Variants in DUOX1 observed in about 807,000 individuals in gnomAD.
DUOX1 encodes the protein dual oxidase 1.
A neutral mutation model predicts 181.8 loss-of-function variants in DUOX1; 134 were observed. The observed-to-expected ratio is 0.74, with a 90% CI of 0.64 to 0.85. The LOEUF (loss-of-function observed/expected upper bound fraction) is 0.85, where lower values mean the gene tolerates loss of function less well. Ranked by LOEUF, DUOX1 falls within the 40% of genes least tolerant of loss-of-function variation. DUOX1 has a pLI of 0.00. For missense variants in DUOX1, 1,814 were observed against 2,064.4 expected, an observed-to-expected ratio of 0.88 and a Z score of 2.35; for synonymous variants, 798 against 832.5, an observed-to-expected ratio of 0.96 and a Z score of 0.71.
intron 10 of DUOX1, chr15:45,138,602 T>G: frequency 6.3e-6 from 1 of 159,558 alleles, no homozygotes; most frequent in Non-Finnish European, 1.4e-5. Flanking sequence ...GGGAAGGGAG[T>G]GGGGAGGAAG....
chr15:45,134,703 G>C (rs966525983), intron 4 of DUOX1, among the ~76,000 whole-genome samples: 1 of 152,202 alleles, frequency 6.6e-6, no homozygotes, highest in African/African-American at 2.4e-5. Context: ...GCAGGGTTCT[G>C]ATTCTGGCAG....
In DUOX1 at chr15:45,136,510, T is replaced by C; in HGVS notation, c.926-19T>C. On this transcript the variant is annotated intron_variant, in intron 8 of 33. Coordinates refer to ENST00000389037, the MANE Select transcript of DUOX1 (RefSeq NM_175940.3). ...TTTAGGGCTAAATTCTTCTGTCCTCTCTTCTCCTATTTCCCCAGGATACCG... is the reference window on the plus strand; with the variant it reads ...TTTAGGGCTAAATTCTTCTGTCCTCCCTTCTCCTATTTCCCCAGGATACCG... The C allele has an allele frequency of 6.2e-7, 1 of 1,614,140 alleles. No individual in the cohort carries two copies. The highest frequency in any genetic ancestry group is 2.2e-5 in the East Asian group (1 of 44,880).
intron 21 of DUOX1, chr15:45,150,373 G>A (rs1056338335): frequency 2.0e-6 from 1 of 510,096 alleles, no homozygotes; most frequent in African/African-American, 1.9e-5. Flanking sequence ...AGTCCCAGAA[G>A]TGGGACTGAT....
chr15:45,138,874 C>T lies in DUOX1; in HGVS notation c.1114-192C>T, dbSNP rs1896410056. 22 of 592,670 alleles carry T rather than the reference C, an allele frequency of 3.7e-5. No homozygotes were observed. In the South Asian group the frequency reaches 4.6e-4, roughly 12 times the overall value. The allele number at this position is 592,670 out of a possible 1,614,324, so 36.7% of individuals were successfully genotyped here. ...GCTTGTATAGACCTCTGTCAGGCAG[C>T]ACTGACAGAGGGGACACCCCTCACC... On this transcript the variant is annotated intron_variant, in intron 10 of 33. Transcript: ENST00000389037.
At position 45,136,377 on chromosome 15, in the gene DUOX1, A is replaced by G. The variant is rs1226931369; in HGVS notation, c.892A>G (p.Ser298Gly). 6.2e-7 allele frequency: 1 copy of G among 1,613,720 alleles called. No homozygotes were observed. Among genetic ancestry groups the G allele is most frequent in the Non-Finnish European group, 8.5e-7 (1 of 1,180,000 alleles). The change falls in exon 8 of 34, where the codon AGC (serine) becomes GGC (glycine). Residue 298 changes from serine (S) to glycine (G), a missense_variant. This residue lies in a region of DUOX1 where 1,064 missense variants were observed against 1,152.9 expected (regional missense o/e 0.92). Coordinates refer to ENST00000389037, the MANE Select transcript of DUOX1 (RefSeq NM_175940.3). ...CATCGCTGTGTATGAGTGGCTGCCCAGCTTCCTGCAGAAAACACTCCCGGA... is the reference window on the plus strand; with the variant it reads ...CATCGCTGTGTATGAGTGGCTGCCCGGCTTCCTGCAGAAAACACTCCCGGA... ...QNIAVYEWLP[S>G]FLQKTLPEYT...
At chr15:45,144,806 C>A in intron 17 of DUOX1, 89 bp from the exon 18 acceptor site, 1 of 1,375,632 alleles carries the variant, frequency 7.3e-7, no homozygotes, top group Non-Finnish European at 9.9e-7. Context: ...CAAGGCCACC[C>A]CAGTGGCCCC....
intron 28 of DUOX1, among the ~76,000 whole-genome samples, chr15:45,159,980 C>T (rs1897057928): frequency 2.0e-5 from 3 of 152,220 alleles, no homozygotes; most frequent in African/African-American, 4.8e-5. Context: ...GGTGAAACCC[C>T]ATCTCTACTA....
At position 45,151,140 on chromosome 15, in the gene DUOX1, G is replaced by A; in HGVS notation, c.2906G>A (p.Ser969Asn). The part of the protein sequence containing the change: ...QDMICPSPRV[S>N]ARCSRSDIET... ...TGTCTTAGTCCCTCTCCCAGAGTGA[G>A]TGCCCGCTGTTCCCGCAGCGACATT... Residue 969 changes from serine to asparagine, a missense_variant, in exon 23 of 34, where the codon AGT (serine) becomes AAT (asparagine). Physicochemically the swap from Ser to Asn is conservative, Grantham distance 46 (BLOSUM62 1). Around this residue, in one of 5 missense-constraint regions of DUOX1, gnomAD observed 1,064 missense variants for 1,152.9 expected, o/e 0.92. Transcript: ENST00000389037. 6.2e-7 allele frequency: 1 copy of A among 1,614,158 alleles called. No individual in the cohort carries two copies. Among genetic ancestry groups the A allele is most frequent in the Non-Finnish European group, 8.5e-7 (1 of 1,180,014 alleles).
Position 45,148,452 on chromosome 15 carries a change from G to T in DUOX1, c.2818+5G>T. The stretch of plus-strand genomic sequence containing the variant: ...TCACGCAGCTCTGTGTCAAAGGTGG[G>T]GCAGCCTGGTAGGCAGCACTGACTC... On this transcript the variant is annotated splice_donor_5th_base_variant and intron_variant, in intron 21 of 33. Transcript: ENST00000389037. 2 of 1,608,872 alleles carry T rather than the reference G, an allele frequency of 1.2e-6. No homozygotes were observed.
intron 4 of DUOX1, among the ~76,000 whole-genome samples, chr15:45,134,800 G>A (rs1208211374): frequency 6.6e-6 from 1 of 152,142 alleles, no homozygotes; most frequent in African/African-American, 2.4e-5. Flanking sequence ...AGGAATGCCT[G>A]GCTCCTGCTG....
At chr15:45,146,264 G>C (rs1013153706) in intron 18 of DUOX1, among the ~76,000 whole-genome samples, 1 of 152,232 alleles carries the variant, frequency 6.6e-6, no homozygotes, top group South Asian at 2.1e-4. Flanking sequence ...ATTCATGAGA[G>C]AAGCATCCAT....
intron 28 of DUOX1, among the ~76,000 whole-genome samples, chr15:45,156,843 G>A (rs1309656788): frequency 6.6e-6 from 1 of 152,106 alleles, no homozygotes; most frequent in Non-Finnish European, 1.5e-5. Context: ...ACCCTCCCCT[G>A]GGTTTCTCAT....
chr15:45,145,744 G>A (rs1189437043), intron 18 of DUOX1, among the ~76,000 whole-genome samples: 7 of 151,888 alleles, frequency 4.6e-5, no homozygotes, highest in Non-Finnish European at 7.4e-5. Context: ...GTGAAACCCC[G>A]TCTCTACTAA....
intron 10 of DUOX1, chr15:45,138,623 C>A: frequency 6.0e-6 from 1 of 165,476 alleles, no homozygotes; most frequent in Non-Finnish European, 1.3e-5. Flanking sequence ...AAAAAAGAAG[C>A]CATAGAATCA....
At chr15:45,142,727 A>AAAAG (rs765877855) in intron 15 of DUOX1, among the ~76,000 whole-genome samples, 2 of 140,768 alleles carry the variant, frequency 1.4e-5, no homozygotes, top group African/African-American at 2.7e-5. Flanking sequence ...CTCTGTCAAA[A>AAAAG]AAAGAAAGAA....
At chr15:45,137,502 A>C (rs968196962) in intron 9 of DUOX1, among the ~76,000 whole-genome samples, 22 of 152,184 alleles carry the variant, frequency 1.4e-4, no homozygotes, top group African/African-American at 5.3e-4. Flanking sequence ...TTACTCTGGA[A>C]TAATCTCTGG....
intron 28 of DUOX1, among the ~76,000 whole-genome samples, chr15:45,157,828 AAAG>A (rs2141300359): frequency 6.6e-6 from 1 of 151,188 alleles, no homozygotes; most frequent in East Asian, 1.9e-4. Flanking sequence ...AAAAAAAAAA[AAAG>A]AAATAAAAAA....
chr15:45,151,119 T>C lies in DUOX1; in HGVS notation c.2889-4T>C, dbSNP rs1465443141. ...CATCCTATCTCTTACCATTCTTGTC[T>C]TAGTCCCTCTCCCAGAGTGAGTGCC... On this transcript the variant is annotated splice_polypyrimidine_tract_variant and splice_region_variant and intron_variant, in intron 22 of 33. Transcript: ENST00000389037. 1 of 1,614,038 alleles carries C rather than the reference T, an allele frequency of 6.2e-7. No homozygotes were observed. Among genetic ancestry groups the C allele is most frequent in the Non-Finnish European group, 8.5e-7 (1 of 1,179,972 alleles).
intron 19 of DUOX1, 56 bp from the exon 20 acceptor site, chr15:45,147,848 C>G: frequency 1.9e-6 from 3 of 1,559,990 alleles, no homozygotes; most frequent in Non-Finnish European, 2.7e-6. Flanking sequence ...TTTGGCCAGC[C>G]TGGGGGTTCA....
Sources: allele counts gnomAD v4.1 joint callset (sites outside exome capture counted in the v4.1 genomes callset), GRCh38; gene constraint gnomAD v4.1.1; regional missense constraint gnomAD v4.1.1; transcripts MANE v1.5; gene names NCBI Gene and HGNC (gene_info 2026-07-23, HGNC 2026-07-21).